RNF157: variants seen among roughly 807,000 people sequenced by gnomAD.
RNF157 encodes E3 ubiquitin ligase RNF157.
A neutral mutation model predicts 88.3 loss-of-function variants in RNF157; 55 were observed. The observed-to-expected ratio is 0.62, with a 90% confidence interval of 0.50 to 0.78. RNF157 has a LOEUF of 0.78. Among genes scored for constraint, RNF157 ranks in the 30% least tolerant of loss-of-function variants. The pLI is 0.00. For missense variants in RNF157, 788 were observed against 860.8 expected, an observed-to-expected ratio of 0.92 and a Z score of 1.06; for synonymous variants, 334 against 341.2, an observed-to-expected ratio of 0.98 and a Z score of 0.23.
intron 8 of RNF157, 95 bp from the exon 9 acceptor site, chr17:76,162,718 G>T: frequency 1.3e-6 from 1 of 769,132 alleles, no homozygotes; most frequent in Non-Finnish European, 2.0e-6. Flanking sequence ...GGTAACCAAG[G>T]ACTACCGATT....
chr17:76,240,358 G>T lies in RNF157; in HGVS notation c.-118C>A. The T allele has an allele frequency of 4.1e-6, 1 of 244,884 alleles. No individual in the cohort carries two copies. The highest frequency in any genetic ancestry group is 6.4e-6 in the Non-Finnish European group (1 of 156,202). 15.2% of individuals were successfully genotyped at this position (244,884 alleles called of 1,614,324 possible). ...CCGACTGCCCGCCGCGGCCGGCTCC[G>T]CTGCGGCGCTGCGGCTCTGGCGGCG... is the stretch of plus-strand genomic sequence containing the variant. On this transcript the variant is annotated 5_prime_UTR_variant, in exon 1 of 19. Transcript: ENST00000269391. The surrounding 1 kb of genome is among the most constrained non-coding windows in gnomAD (Gnocchi z 4.4).
chr17:76,161,757 C>A lies in RNF157; in HGVS notation c.952+86G>T. ...CCAGCGCGCATCCGTTTGTCAGATCCAGCAGCAGCACATGCTTCAGTGTTT... is the reference window on the plus strand; with the variant it reads ...CCAGCGCGCATCCGTTTGTCAGATCAAGCAGCAGCACATGCTTCAGTGTTT... On this transcript the variant is annotated intron_variant, in intron 10 of 18. Coordinates refer to ENST00000269391, the MANE Select transcript of RNF157 (RefSeq NM_052916.3). The surrounding 1 kb of genome is among the most constrained non-coding windows in gnomAD (Gnocchi z 4.6). 6.5e-7 allele frequency: 1 copy of A among 1,550,168 alleles called. No homozygotes were observed.
intron 2 of RNF157, among the ~76,000 whole-genome samples, chr17:76,174,409 C>T (rs1320016609): frequency 6.6e-6 from 1 of 152,172 alleles, no homozygotes. Flanking sequence ...GCTTCTTCCC[C>T]CTTTGCCCGT....
chr17:76,225,811 C>T, intron 1 of RNF157: 2 of 1,588,564 alleles, frequency 1.3e-6, no homozygotes, highest in Non-Finnish European at 1.7e-6. Context: ...CTTTCAGGTA[C>T]TGGATCTCCT....
chr17:76,173,068 C>T (rs1041317137), intron 3 of RNF157, among the ~76,000 whole-genome samples: 3 of 152,082 alleles, frequency 2.0e-5, no homozygotes, highest in African/African-American at 7.2e-5. Context: ...AGGTGGATCA[C>T]GAGGTCAGGA....
chr17:76,181,149 T>C (rs922152577), intron 2 of RNF157, among the ~76,000 whole-genome samples: 5 of 152,172 alleles, frequency 3.3e-5, no homozygotes, highest in Admixed American at 2.6e-4. Context: ...ATTGCACTGC[T>C]TCTACTGTAG....
At chr17:76,219,885 A>C (rs1406207255) in intron 1 of RNF157, among the ~76,000 whole-genome samples, 1 of 152,216 alleles carries the variant, frequency 6.6e-6, no homozygotes, top group Non-Finnish European at 1.5e-5. Flanking sequence ...ATGAGTAATT[A>C]TGTGATTTTC....
chr17:76,154,344 G>A lies in RNF157; in HGVS notation c.1765-16C>T. On this transcript the variant is annotated splice_polypyrimidine_tract_variant and intron_variant, in intron 16 of 18. Transcript: ENST00000269391. Reference sequence around the variant, plus strand: ...CATCATTTCCCTAGGACAGAAGGAAGGCCCTGTGAGTCTATGAAGCGGCAA... The same window carrying A: ...CATCATTTCCCTAGGACAGAAGGAAAGCCCTGTGAGTCTATGAAGCGGCAA... 2 of 1,601,414 alleles carry A rather than the reference G, an allele frequency of 1.2e-6. No individual in the cohort carries two copies.
intron 1 of RNF157, chr17:76,226,315 G>C: frequency 1.9e-6 from 3 of 1,607,126 alleles, no homozygotes; most frequent in Non-Finnish European, 1.7e-6. Flanking sequence ...CTGGGGAAAG[G>C]GGAAGAAGTT....
intron 1 of RNF157, among the ~76,000 whole-genome samples, chr17:76,235,981 C>G (rs949793157): frequency 6.6e-6 from 1 of 152,168 alleles, no homozygotes; most frequent in African/African-American, 2.4e-5. Flanking sequence ...TGCACTCCAG[C>G]CTGGATGCCA....
At chr17:76,145,480 C>A in intron 18 of RNF157, 127 bp from the exon 19 acceptor site, 1 of 646,558 alleles carries the variant, frequency 1.5e-6, no homozygotes, top group Admixed American at 2.6e-5. Context: ...ACTCCGATGA[C>A]GGTGCGAGCC....
intron 1 of RNF157, among the ~76,000 whole-genome samples, chr17:76,222,512 A>T (rs1282221856): frequency 6.6e-6 from 1 of 152,188 alleles, no homozygotes; most frequent in Non-Finnish European, 1.5e-5. Context: ...CAGTCAGGTT[A>T]TAATGCTGTC....
chr17:76,200,191 A>G (rs58492014), intron 2 of RNF157, among the ~76,000 whole-genome samples: 26,114 of 151,918 alleles, frequency 0.17, 5,658 homozygotes, highest in African/African-American at 0.51. Flanking sequence ...GCAGTGAGCC[A>G]AGATCGCGCC....
At position 76,158,970 on chromosome 17, in the gene RNF157, G is replaced by A. The variant is rs141045932; in HGVS notation, c.1304+365C>T. 7.8e-3 allele frequency among the ~76,000 whole-genome samples: 1,187 copies of A among 152,228 alleles called. 10 individuals carry two copies. Among genetic ancestry groups the A allele is most frequent in the African/African-American group, 0.027 (1,122 of 41,522 alleles). ...ACCTTGTCATGATTTGTGCCTAGCT[G>A]GATTTAGATGTTTAAGAGATACGGA... On this transcript the variant is annotated intron_variant, in intron 12 of 18. Transcript: ENST00000269391.
chr17:76,169,513 C>T (rs1425428113), intron 3 of RNF157, among the ~76,000 whole-genome samples: 1 of 151,612 alleles, frequency 6.6e-6, no homozygotes. Flanking sequence ...CTTAAGTGAT[C>T]CTCCTGTTTT....
At position 76,234,615 on chromosome 17, in the gene RNF157, A is replaced by C. The variant is rs1360032072; in HGVS notation, c.88+5538T>G. On this transcript the variant is annotated intron_variant, in intron 1 of 18. Transcript: ENST00000269391. ...TAGTTTTGATTTGTATTTCCTTGAAAGTTAATAATGATCATCTCTTCAAGT... is the reference window on the plus strand; with the variant it reads ...TAGTTTTGATTTGTATTTCCTTGAACGTTAATAATGATCATCTCTTCAAGT... Among the ~76,000 whole-genome samples the C allele has an allele frequency of 2.0e-5, 3 of 152,320 alleles. No homozygotes were observed. The East Asian group carries it at 5.8e-4, about 29-fold the overall frequency.
At chr17:76,234,121 G>C (rs567865625) in intron 1 of RNF157, among the ~76,000 whole-genome samples, 1 of 152,304 alleles carries the variant, frequency 6.6e-6, no homozygotes, top group East Asian at 1.9e-4. Context: ...TTATAAATGA[G>C]ATTATTCAAT....
chr17:76,176,650 G>A lies in RNF157; in HGVS notation c.208-2860C>T, dbSNP rs1462310978. Among the ~76,000 whole-genome samples, 3 of 152,162 alleles carry A rather than the reference G, an allele frequency of 2.0e-5. No homozygotes were observed. Among genetic ancestry groups the A allele is most frequent in the Admixed American group, 6.5e-5 (1 of 15,282 alleles). On this transcript the variant is annotated intron_variant, in intron 2 of 18. Transcript: ENST00000269391. This position sits in a 1 kb window ranked among gnomAD's most constrained non-coding sequence, Gnocchi z 4.2. ...ACAGACAGCCCCTCCACAGCTTGCC[G>A]CCCTGGAGGCCACCCCATGGGGCTG...
At chr17:76,159,988 C>A (rs1056628584) in intron 11 of RNF157, among the ~76,000 whole-genome samples, 1 of 151,956 alleles carries the variant, frequency 6.6e-6, no homozygotes, top group Admixed American at 6.6e-5. Flanking sequence ...ATTATACTTT[C>A]CTCTTTAAAA....
Sources: allele counts gnomAD v4.1 joint callset (sites outside exome capture counted in the v4.1 genomes callset), GRCh38; gene constraint gnomAD v4.1.1; non-coding constraint Gnocchi (gnomAD v3.1); transcripts MANE v1.5; gene names NCBI Gene and HGNC (gene_info 2026-07-23, HGNC 2026-07-21).